The following ZNF268 variants were observed in gnomAD, a reference collection of about 807,000 sequenced individuals.
The protein encoded by ZNF268 is zinc finger protein 268.
Under a neutral mutation model 29.3 loss-of-function variants are expected in ZNF268, and 20 were observed. That is an observed-to-expected ratio of 0.68 (90% CI 0.48 to 0.99). The LOEUF is 0.99. ZNF268 is among the 50% of genes least tolerant of loss of function. The pLI is 0.00. For missense variants in ZNF268, 1,240 were observed against 1,121.6 expected (o/e 1.11, Z -1.51); for synonymous variants, 429 against 376.9 (o/e 1.14, Z -1.60).
intron 2 of ZNF268, among the ~76,000 whole-genome samples, chr12:133,185,917 G>A (rs1357792596): frequency 6.6e-6 from 1 of 152,120 alleles, no homozygotes; most frequent in African/African-American, 2.4e-5. Flanking sequence ...TTGTAGTGTG[G>A]TTTATTTTCA....
chr12:133,203,408 C>T lies in ZNF268; in HGVS notation c.1722C>T (p.His574=). 6.5e-7 allele frequency: 1 copy of T among 1,544,470 alleles called. No individual in the cohort carries two copies. The highest frequency in any genetic ancestry group is 2.4e-5 in the East Asian group (1 of 41,096). The change falls in exon 6 of 6, where the codon CAC becomes CAT. Residue 574 remains histidine, a synonymous_variant. Transcript: ENST00000536435. Reference sequence around the variant, plus strand: ...GTCGGAAATACCAGCTTATTTCACACCAGAGAACTCATGCAGGAGAGAAGC... The same window carrying T: ...GTCGGAAATACCAGCTTATTTCACATCAGAGAACTCATGCAGGAGAGAAGC... ...AFSRKYQLIS[H]QRTHAGEKPY... is the part of the protein sequence containing the mutation.
At chr12:133,188,639 A>T (rs936791556) in intron 3 of ZNF268, among the ~76,000 whole-genome samples, 56 of 151,828 alleles carry the variant, frequency 3.7e-4, no homozygotes, top group African/African-American at 2.4e-4. Flanking sequence ...CCTTTTTTTT[A>T]AAAAATGTGT....
At position 133,212,489 on chromosome 12, in the gene ZNF268, ATATATATATG is replaced by A. The variant is rs1396579715; in HGVS notation, c.*7968_*7977del. 250 of 21,586 alleles carry A rather than the reference ATATATATATG, an allele frequency of 0.012. 10 individuals are homozygous for A. The highest frequency in any genetic ancestry group is 0.073 in the African/African-American group (226 of 3,080). The allele number at this position is 21,586 out of a possible 1,614,324, so 1.3% of individuals were successfully genotyped here. On this transcript the variant is annotated 3_prime_UTR_variant, in exon 6 of 6. Coordinates refer to ENST00000536435, the MANE Select transcript of ZNF268 (RefSeq NM_003415.3). The stretch of plus-strand genomic sequence containing the variant: ...TATATATATATATATATATATATAT[ATATATATATG>A]TATATATACACACACACATACACAC...
chr12:133,195,781 G>A (rs1023502696), intron 5 of ZNF268, among the ~76,000 whole-genome samples: 22 of 151,520 alleles, frequency 1.5e-4, no homozygotes, highest in African/African-American at 4.8e-4. Context: ...GCAGTGGTGC[G>A]ATCTCGACTC....
At position 133,181,785 on chromosome 12, in the gene ZNF268, C is replaced by T. The variant is rs1018599558; in HGVS notation, c.-53+99C>T. 2.7e-5 allele frequency: 16 copies of T among 594,844 alleles called. No individual in the cohort carries two copies. The Admixed American group carries it at 3.1e-4, about 12-fold the overall frequency. 36.8% of individuals were successfully genotyped at this position (594,844 alleles called of 1,614,324 possible). A position where few individuals can be genotyped will look rare whatever the true frequency, so the allele number is the denominator to read the frequency against. On this transcript the variant is annotated intron_variant, in intron 1 of 5. Coordinates refer to ENST00000536435, the MANE Select transcript of ZNF268 (RefSeq NM_003415.3). ...ACCCGGGGCGGTTGCCTGACCCTAA[C>T]CTGTGTGTTGGTGAGGGTGTGGAGA...
At position 133,211,589 on chromosome 12, in the gene ZNF268, A is replaced by G. The variant is rs1326026320; in HGVS notation, c.*7059A>G. The stretch of plus-strand genomic sequence containing the variant: ...CAACAAGAGTGAAACTCCGTCTCAA[A>G]AAAAAAAAAAAGAAGATATACAGAT... On this transcript the variant is annotated 3_prime_UTR_variant, in exon 6 of 6. Coordinates refer to ENST00000536435, the MANE Select transcript of ZNF268 (RefSeq NM_003415.3). The G allele has an allele frequency of 1.3e-5, 2 of 152,128 alleles. No individual in the cohort carries two copies. Among genetic ancestry groups the G allele is most frequent in the African/African-American group, 4.8e-5 (2 of 41,400 alleles). 9.4% of individuals were successfully genotyped at this position (152,128 alleles called of 1,614,324 possible). A position where few individuals can be genotyped will look rare whatever the true frequency, so the allele number is the denominator to read the frequency against.
chr12:133,196,885 A>G (rs1015862611), intron 5 of ZNF268, among the ~76,000 whole-genome samples: 27 of 152,140 alleles, frequency 1.8e-4, no homozygotes, highest in African/African-American at 6.0e-4. Context: ...GATCAGATTT[A>G]ATAGGAAAAC....
rs956843717 is a variant in ZNF268 at position 133,212,554 on chromosome 12, CAT to C, written c.*8032_*8033del. ...ATACACATATATATACACATATACA[CAT>C]ATATATACACATATATATAATAAGA... On this transcript the variant is annotated 3_prime_UTR_variant, in exon 6 of 6. Transcript: ENST00000536435. 19 of 147,422 alleles carry C rather than the reference CAT, an allele frequency of 1.3e-4. No individual in the cohort carries two copies. The highest frequency in any genetic ancestry group is 3.8e-4 in the African/African-American group (15 of 39,896). 9.1% of individuals were successfully genotyped at this position (147,422 alleles called of 1,614,324 possible). A position where few individuals can be genotyped will look rare whatever the true frequency, so the allele number is the denominator to read the frequency against.
chr12:133,191,882 G>A (rs766005516), intron 4 of ZNF268, 26 bp from the exon 5 acceptor site: 1 of 1,606,856 alleles, frequency 6.2e-7, no homozygotes, highest in South Asian at 1.1e-5. Context: ...TTTGTTCCAG[G>A]TTGTCTGTGA....
intron 3 of ZNF268, among the ~76,000 whole-genome samples, chr12:133,189,873 C>T (rs1306764015): frequency 6.6e-6 from 1 of 152,162 alleles, no homozygotes; most frequent in African/African-American, 2.4e-5. Context: ...AGTGGCACGA[C>T]CTCGGCTCAC....
chr12:133,191,055 G>A (rs774620943), intron 3 of ZNF268, among the ~76,000 whole-genome samples: 3 of 152,056 alleles, frequency 2.0e-5, no homozygotes, highest in Non-Finnish European at 1.5e-5. Flanking sequence ...GGTGGCTCAC[G>A]CCTGTAATCC....
At chr12:133,193,298 ACT>A in intron 5 of ZNF268, 1 of 491,824 alleles carries the variant, frequency 2.0e-6, no homozygotes, top group Non-Finnish European at 3.6e-6. Context: ...GTGCCACTAG[ACT>A]CTGGCCTGGG....
At chr12:133,188,817 G>A (rs1471599662) in intron 3 of ZNF268, among the ~76,000 whole-genome samples, 6 of 151,754 alleles carry the variant, frequency 4.0e-5, no homozygotes, top group East Asian at 3.9e-4. Context: ...TTTTTTCCTC[G>A]GGTGCTTCTT....
chr12:133,211,586 CAAA>C lies in ZNF268; in HGVS notation c.*7068_*7070del, dbSNP rs369341864. 2.6e-5 allele frequency: 3 copies of C among 117,006 alleles called. No individual in the cohort carries two copies. Among genetic ancestry groups the C allele is most frequent in the Admixed American group, 1.8e-4 (2 of 11,004 alleles). 7.2% of individuals were successfully genotyped at this position (117,006 alleles called of 1,614,324 possible). On this transcript the variant is annotated 3_prime_UTR_variant, in exon 6 of 6. Coordinates refer to ENST00000536435, the MANE Select transcript of ZNF268 (RefSeq NM_003415.3). ...GGGCAACAAGAGTGAAACTCCGTCT[CAAA>C]AAAAAAAAAAAGAAGATATACAGAT...
At position 133,202,917 on chromosome 12, in the gene ZNF268, A is replaced by G; in HGVS notation, c.1231A>G (p.Thr411Ala). Residue 411 changes from threonine to alanine, a missense_variant, in exon 6 of 6, where the codon ACA becomes GCA. This residue lies in a region of ZNF268 where 1,177 missense variants were observed against 1,039.6 expected (regional missense o/e 1.13). Transcript: ENST00000536435. ...GCTCATTATACATGAAAGAATTCAT[A>G]CAGGAGAGAAACCATATGAATGCAA... The part of the protein sequence containing the change: ...SQLIIHERIH[T>A]GEKPYECNEC... The G allele has an allele frequency of 6.5e-7, 1 of 1,546,598 alleles. No individual in the cohort carries two copies. Among genetic ancestry groups the G allele is most frequent in the South Asian group, 1.2e-5 (1 of 84,806 alleles).
At chr12:133,184,545 A>G (rs1956259651) in intron 2 of ZNF268, 1 of 269,688 alleles carries the variant, frequency 3.7e-6, no homozygotes, top group Non-Finnish European at 8.1e-6. Flanking sequence ...TTAAGAGGGT[A>G]TTAATCCCAT....
rs552496326 is a variant in ZNF268, at chr12:133,186,478, A to G, written c.34-1394A>G. Among the ~76,000 whole-genome samples the G allele has an allele frequency of 1.1e-4, 17 of 151,842 alleles. No individual in the cohort carries two copies. The South Asian group carries it at 3.5e-3, about 32-fold the overall frequency. ...AACCTCTGCTTCCCAGGTTCAAGCA[A>G]TTCTCCTGCCTCAGCCTCCCAAGTA... On this transcript the variant is annotated intron_variant, in intron 2 of 5. Transcript: ENST00000536435.
intron 2 of ZNF268, among the ~76,000 whole-genome samples, chr12:133,183,286 AG>A (rs1195446079): frequency 2.6e-5 from 4 of 152,116 alleles, no homozygotes; most frequent in Non-Finnish European, 5.9e-5. Flanking sequence ...AGAACAGTCT[AG>A]TCTGCAGCAG....
chr12:133,198,748 C>G (rs1956678794), intron 5 of ZNF268, among the ~76,000 whole-genome samples: 1 of 150,212 alleles, frequency 6.7e-6, no homozygotes, highest in Admixed American at 6.6e-5. Context: ...AGAGGTCCTT[C>G]ACATCCCTTG....
Sources: gnomAD v4.1 joint callset for allele counts (sites outside exome capture counted in the v4.1 genomes callset) on GRCh38, gnomAD v4.1.1 for gene constraint, gnomAD v4.1.1 regional missense constraint, MANE v1.5 for transcripts, NCBI Gene and HGNC (gene_info 2026-07-23, HGNC 2026-07-21) for gene names.